ZBTB47: variants seen among roughly 807,000 people sequenced by gnomAD.
ZBTB47 encodes zinc finger and BTB domain-containing protein 47.
ZBTB47 carries 24 observed loss-of-function variants against 56.6 expected under a neutral mutation model. That is an observed-to-expected ratio of 0.42 (90% CI 0.31 to 0.60). ZBTB47 has a LOEUF of 0.60. Among genes scored for constraint, ZBTB47 ranks in the 20% least tolerant of loss-of-function variants. ZBTB47 has a pLI of 0.14. For missense variants in ZBTB47, 829 were observed against 1,032.6 expected (o/e 0.80, Z 2.70); for synonymous variants, 414 against 418.9 (o/e 0.99, Z 0.14).
rs1179258060 is a variant in ZBTB47 at position 42,667,415 on chromosome 3, C to T, written c.*2817C>T. 6.6e-6 allele frequency among the ~76,000 whole-genome samples: 1 copy of T among 152,226 alleles called. No individual in the cohort carries two copies. Among genetic ancestry groups the T allele is most frequent in the Admixed American group, 6.5e-5 (1 of 15,284 alleles). On this transcript the variant is annotated 3_prime_UTR_variant, in exon 6 of 6. Coordinates refer to ENST00000232974, the MANE Select transcript of ZBTB47 (RefSeq NM_145166.4). ...CTGGCTCATGCTGCCATAGTCTCCA[C>T]GGTGCCCTTCACAGAGGGCTTGGTA...
Position 42,659,376 on chromosome 3 carries a change from G to T in ZBTB47, c.1021G>T (p.Asp341Tyr). 1 of 1,204,704 alleles carries T rather than the reference G, an allele frequency of 8.3e-7. No homozygotes were observed. Among genetic ancestry groups the T allele is most frequent in the African/African-American group, 1.7e-5 (1 of 60,382 alleles). The allele number at this position is 1,204,704 out of a possible 1,614,324, so 74.6% of individuals were successfully genotyped here. A position where few individuals can be genotyped will look rare whatever the true frequency, so the allele number is the denominator to read the frequency against. ...EEEEEGPSEQ[D>Y]QESSEEEEGE... ...AGAGGAGGAAGGGCCTAGTGAGCAGGATCAAGAGAGCTCTGAGGAGGAGGA... is the reference window on the plus strand; with the variant it reads ...AGAGGAGGAAGGGCCTAGTGAGCAGTATCAAGAGAGCTCTGAGGAGGAGGA... Residue 341 changes from aspartate to tyrosine, a missense_variant, in exon 2 of 6, where the codon GAT becomes TAT. Coordinates refer to ENST00000232974, the MANE Select transcript of ZBTB47 (RefSeq NM_145166.4).
At chr3:42,659,938 C>T (rs1415499352) in intron 2 of ZBTB47, 110 bp downstream of exon 2, 26 of 1,405,728 alleles carry the variant, frequency 1.8e-5, no homozygotes, top group Non-Finnish European at 2.2e-5. Flanking sequence ...AGGTGGTCTG[C>T]GGAGACCAGA....
rs762097828 is a variant in ZBTB47, at chr3:42,663,759, C to T, written c.1738-38C>T. On this transcript the variant is annotated intron_variant, in intron 4 of 5. Transcript: ENST00000232974. The surrounding 1 kb of genome is among the most constrained non-coding windows in gnomAD (Gnocchi z 5.1). Reference sequence around the variant, plus strand: ...TCCCTCCACAAAGGCTGCTCTTCTGCTCTGTGCCTGGGCCTCACCCCCAAA... The same window carrying T: ...TCCCTCCACAAAGGCTGCTCTTCTGTTCTGTGCCTGGGCCTCACCCCCAAA... 7 of 1,609,770 alleles carry T rather than the reference C, an allele frequency of 4.3e-6. No homozygotes were observed. Among genetic ancestry groups the T allele is most frequent in the Non-Finnish European group, 5.9e-6 (7 of 1,176,914 alleles).
In ZBTB47 at chr3:42,654,473, C is replaced by CCCGCCCG. The variant is rs1413916209; in HGVS notation, c.-82+595_-82+601dup. On this transcript the variant is annotated intron_variant, in intron 1 of 5. Transcript: ENST00000232974. This position sits in a 1 kb window ranked among gnomAD's most constrained non-coding sequence, Gnocchi z 5.0. ...GGGCTCCAATCGGCGCCCCGCGCCC[C>CCCGCCCG]CCGCCCGCCGCGCCCGAGGCTCTGG... 6.5e-6 allele frequency: 1 copy of CCCGCCCG among 152,840 alleles called. No individual in the cohort carries two copies. Among genetic ancestry groups the CCCGCCCG allele is most frequent in the Non-Finnish European group, 1.4e-5 (1 of 70,218 alleles). 9.5% of individuals were successfully genotyped at this position (152,840 alleles called of 1,614,324 possible).
chr3:42,655,125 AC>A (rs1710625020), intron 1 of ZBTB47, among the ~76,000 whole-genome samples: 1 of 151,380 alleles, frequency 6.6e-6, no homozygotes. Flanking sequence ...TCCCGTACCA[AC>A]TCCTGTGTGA....
Position 42,654,701 on chromosome 3 carries a change from C to T in ZBTB47, c.-82+818C>T, listed in dbSNP as rs1710615631. On this transcript the variant is annotated intron_variant, in intron 1 of 5. Transcript: ENST00000232974. The surrounding 1 kb of genome is among the most constrained non-coding windows in gnomAD (Gnocchi z 5.0). The stretch of plus-strand genomic sequence containing the variant: ...CCCAGCGCCACGGCACCATGGTACG[C>T]AGGGCCCTGCCTGTCCCCCCGCTTA... The T allele has an allele frequency of 2.0e-6, 2 of 984,960 alleles. No individual in the cohort carries two copies. Among genetic ancestry groups the T allele is most frequent in the Non-Finnish European group, 2.4e-6 (2 of 829,786 alleles). The allele number at this position is 984,960 out of a possible 1,614,324, so 61.0% of individuals were successfully genotyped here. A position where few individuals can be genotyped will look rare whatever the true frequency, so the allele number is the denominator to read the frequency against.
In ZBTB47 at chr3:42,663,975, G is replaced by C. The variant is rs1443470762; in HGVS notation, c.1882+34G>C. The C allele has an allele frequency of 2.5e-6, 4 of 1,588,852 alleles. No individual in the cohort carries two copies. The highest frequency in any genetic ancestry group is 2.7e-5 in the African/African-American group (2 of 74,412). Reference sequence around the variant, plus strand: ...GCCCCTGGGGACGGAGCTCGGTGCCGGGCCTGGGACCCCTTCTCAGCCCCG... The same window carrying C: ...GCCCCTGGGGACGGAGCTCGGTGCCCGGCCTGGGACCCCTTCTCAGCCCCG... On this transcript the variant is annotated intron_variant, in intron 5 of 5. Coordinates refer to ENST00000232974, the MANE Select transcript of ZBTB47 (RefSeq NM_145166.4). The surrounding 1 kb of genome is among the most constrained non-coding windows in gnomAD (Gnocchi z 5.1).
upstream of ZBTB47, among the ~76,000 whole-genome samples, chr3:42,653,092 C>G (rs1168638391): frequency 1.3e-5 from 2 of 152,288 alleles, no homozygotes; most frequent in African/African-American, 4.8e-5. Flanking sequence ...CCAGGTTTGG[C>G]CCCTGAGACA....
In ZBTB47 at chr3:42,663,197, C is replaced by G; in HGVS notation, c.1737+70C>G. On this transcript the variant is annotated intron_variant, in intron 4 of 5. Transcript: ENST00000232974. The surrounding 1 kb of genome is among the most constrained non-coding windows in gnomAD (Gnocchi z 5.1). ...GAGGGGCAGGAATCAGGGAGCGCAG[C>G]TGCTGAAAAACAAAGGGCTAGGGGG... 1.6e-6 allele frequency: 2 copies of G among 1,213,750 alleles called. No homozygotes were observed. The allele number at this position is 1,213,750 out of a possible 1,614,324, so 75.2% of individuals were successfully genotyped here. A position where few individuals can be genotyped will look rare whatever the true frequency, so the allele number is the denominator to read the frequency against.
Position 42,664,420 on chromosome 3 carries a change from T to C in ZBTB47, c.2066T>C (p.Leu689Pro), listed in dbSNP as rs1036199249. The C allele has an allele frequency of 1.3e-6, 2 of 1,558,688 alleles. No individual in the cohort carries two copies. Among genetic ancestry groups the C allele is most frequent in the Non-Finnish European group, 1.7e-6 (2 of 1,154,404 alleles). Residue 689 changes from leucine (L) to proline (P), a missense_variant, in exon 6 of 6, where the codon CTG (leucine) becomes CCG (proline). Physicochemically the swap from Leu to Pro is moderately conservative, Grantham distance 98 (BLOSUM62 -3). Coordinates refer to ENST00000232974, the MANE Select transcript of ZBTB47 (RefSeq NM_145166.4). The stretch of plus-strand genomic sequence containing the variant: ...AAGTGCTTCCGCGTCAGCCACACCC[T>C]GGCCGGCGACGGCGTCCCCGCTGCC... ...KEKCFRVSHT[L>P]AGDGVPAAPG...
In ZBTB47 at chr3:42,663,672, TCTC is replaced by T; in HGVS notation, c.1738-122_1738-120del. 1 of 1,281,850 alleles carries T rather than the reference TCTC, an allele frequency of 7.8e-7. No homozygotes were observed. The allele number at this position is 1,281,850 out of a possible 1,614,324, so 79.4% of individuals were successfully genotyped here. On this transcript the variant is annotated intron_variant, in intron 4 of 5. Transcript: ENST00000232974. This position sits in a 1 kb window ranked among gnomAD's most constrained non-coding sequence, Gnocchi z 5.1. ...ACCTCGGCTTGCCCTCATGTCCCCA[TCTC>T]CTTGCCCAGGAGCCCCTGAGTGTGT...
Position 42,665,252 on chromosome 3 carries a change from G to A in ZBTB47, c.*654G>A, listed in dbSNP as rs1266449717. The A allele has an allele frequency of 6.6e-6, 1 of 152,432 alleles. No homozygotes were observed. Among genetic ancestry groups the A allele is most frequent in the Non-Finnish European group, 1.5e-5 (1 of 68,118 alleles). The allele number at this position is 152,432 out of a possible 1,614,324, so 9.4% of individuals were successfully genotyped here. A position where few individuals can be genotyped will look rare whatever the true frequency, so the allele number is the denominator to read the frequency against. ...TCACTGTGTGGAGTGGGGCAGGCAG[G>A]GGCTGGACCCCAGGGACTTGCCTTC... On this transcript the variant is annotated 3_prime_UTR_variant, in exon 6 of 6. Transcript: ENST00000232974.
At chr3:42,653,552 C>G (rs1710594624), upstream of ZBTB47, 1 of 152,452 alleles carries the variant, frequency 6.6e-6, no homozygotes, top group African/African-American at 2.4e-5. Flanking sequence ...CCGTGGTCCC[C>G]ACCCTGCTGC....
chr3:42,659,115 A>T lies in ZBTB47; in HGVS notation c.760A>T (p.Lys254Ter). 6.7e-7 allele frequency: 1 copy of T among 1,497,668 alleles called. No homozygotes were observed. The highest frequency in any genetic ancestry group is 8.9e-7 in the Non-Finnish European group (1 of 1,126,444). The allele number at this position is 1,497,668 out of a possible 1,614,324, so 92.8% of individuals were successfully genotyped here. The change falls in exon 2 of 6, where the codon AAG becomes TAG. Residue 254 changes from lysine to a stop codon, truncating the protein, a stop_gained. Transcript: ENST00000232974. LOFTEE classifies it high-confidence loss of function. ...TLHVSTGPEG[K>*]PGAGPSPATV... Reference sequence around the variant, plus strand: ...GCACGTGTCCACGGGGCCAGAGGGGAAGCCAGGTGCCGGGCCAAGCCCAGC... The same window carrying T: ...GCACGTGTCCACGGGGCCAGAGGGGTAGCCAGGTGCCGGGCCAAGCCCAGC...
chr3:42,662,066 C>T (rs1710728402), intron 3 of ZBTB47, among the ~76,000 whole-genome samples: 1 of 152,218 alleles, frequency 6.6e-6, no homozygotes, highest in South Asian at 2.1e-4. Context: ...CATAGGGCTT[C>T]AGGCCTCTCT....
At chr3:42,657,074 A>T (rs1710647706) in intron 1 of ZBTB47, among the ~76,000 whole-genome samples, 1 of 152,174 alleles carries the variant, frequency 6.6e-6, no homozygotes, top group Non-Finnish European at 1.5e-5. Flanking sequence ...TATTAACAAC[A>T]TCTGCACATC....
At chr3:42,657,412 A>G (rs1710651005) in intron 1 of ZBTB47, among the ~76,000 whole-genome samples, 1 of 152,242 alleles carries the variant, frequency 6.6e-6, no homozygotes, top group Non-Finnish European at 1.5e-5. Context: ...GCCTGCAAGC[A>G]TGGTAGGCAG....
chr3:42,659,829 G>C lies in ZBTB47; in HGVS notation c.1473+1G>C. 1 of 1,598,334 alleles carries C rather than the reference G, an allele frequency of 6.3e-7. No homozygotes were observed. Among genetic ancestry groups the C allele is most frequent in the Non-Finnish European group, 8.5e-7 (1 of 1,170,488 alleles). On this transcript the variant is annotated splice_donor_variant, in intron 2 of 5. Transcript: ENST00000232974. LOFTEE classifies it high-confidence loss of function. Reference sequence around the variant, plus strand: ...GACAGACTGCGAGCGCAACATCCAGGTGGGCCTCACGTGGCTGGGGGCAGG... The same window carrying C: ...GACAGACTGCGAGCGCAACATCCAGCTGGGCCTCACGTGGCTGGGGGCAGG...
intron 3 of ZBTB47, among the ~76,000 whole-genome samples, chr3:42,661,944 C>A (rs942275880): frequency 2.6e-5 from 4 of 152,362 alleles, no homozygotes; most frequent in African/African-American, 9.6e-5. Flanking sequence ...CGTGTCCACC[C>A]AGGGAAAAGA....
Sources: gnomAD v4.1 joint callset for allele counts (sites outside exome capture counted in the v4.1 genomes callset) on GRCh38, gnomAD v4.1.1 for gene constraint, Gnocchi (gnomAD v3.1) non-coding constraint, MANE v1.5 for transcripts, NCBI Gene and HGNC (gene_info 2026-07-23, HGNC 2026-07-21) for gene names.